Variants in CNTNAP2 observed in about 807,000 individuals in gnomAD.
CNTNAP2 encodes contactin associated protein 2.
In CNTNAP2, 98 loss-of-function variants were observed where a neutral mutation model predicts 155.2. The observed-to-expected ratio is 0.63, with a 90% CI of 0.54 to 0.75. CNTNAP2 has a LOEUF of 0.75. CNTNAP2 is among the 30% of genes least tolerant of loss of function. The pLI, the probability that CNTNAP2 is intolerant of heterozygous loss-of-function variation, is 0.00. For synonymous variants in CNTNAP2, 651 were observed against 631.2 expected, an observed-to-expected ratio of 1.03 and a Z score of -0.47; for missense variants, 1,727 against 1,688.1, an observed-to-expected ratio of 1.02 and a Z score of -0.40.
In CNTNAP2 at chr7:146,627,138, C is replaced by T. The variant is rs1799433574; in HGVS notation, c.98-147133C>T. ...GCAGCAGGCAAAGGGAGAGCTTGTACAGGGAAACTCCCATGTTTTAAACCA... is the reference window on the plus strand; with the variant it reads ...GCAGCAGGCAAAGGGAGAGCTTGTATAGGGAAACTCCCATGTTTTAAACCA... On this transcript the variant is annotated intron_variant, in intron 1 of 23. Transcript: ENST00000361727. Among the ~76,000 whole-genome samples the T allele has an allele frequency of 2.0e-5, 3 of 152,090 alleles. 1 individual carries two copies. In the South Asian group the frequency reaches 6.2e-4, roughly 32 times the overall value.
intron 1 of CNTNAP2, among the ~76,000 whole-genome samples, chr7:146,629,870 T>C (rs963404485): frequency 9.2e-5 from 14 of 152,134 alleles, no homozygotes; most frequent in African/African-American, 3.4e-4. Context: ...GATGAGTTCA[T>C]TAGGGAGAAA....
At chr7:148,225,798 A>C (rs1219780137) in intron 19 of CNTNAP2, among the ~76,000 whole-genome samples, 1 of 152,256 alleles carries the variant, frequency 6.6e-6, no homozygotes, top group Non-Finnish European at 1.5e-5. Flanking sequence ...AGCCAAGAAG[A>C]CTTGGTGTCA....
intron 11 of CNTNAP2, among the ~76,000 whole-genome samples, chr7:147,491,702 A>T (rs1050363998): frequency 2.6e-5 from 4 of 152,134 alleles, no homozygotes; most frequent in Non-Finnish European, 4.4e-5. Context: ...TTTTCTTTAA[A>T]TTTTATTCAA....
intron 13 of CNTNAP2, among the ~76,000 whole-genome samples, chr7:147,708,567 C>T (rs1240282810): frequency 1.3e-5 from 2 of 152,066 alleles, no homozygotes; most frequent in African/African-American, 2.4e-5. Context: ...GGTCTCCTTG[C>T]AGCTTCCTAT....
At chr7:147,480,696 A>G (rs1342299146) in intron 10 of CNTNAP2, among the ~76,000 whole-genome samples, 1 of 152,198 alleles carries the variant, frequency 6.6e-6, no homozygotes, top group Non-Finnish European at 1.5e-5. Context: ...CCCTGGCTGC[A>G]GGCTGTCTTC....
chr7:147,558,158 A>G (rs1246980879), intron 11 of CNTNAP2, among the ~76,000 whole-genome samples: 1 of 152,200 alleles, frequency 6.6e-6, no homozygotes. Flanking sequence ...CCACAATATT[A>G]CTGCTGAAAA....
chr7:147,182,221 T>G (rs2116502239), intron 8 of CNTNAP2, among the ~76,000 whole-genome samples: 1 of 151,990 alleles, frequency 6.6e-6, no homozygotes, highest in Non-Finnish European at 1.5e-5. Context: ...GCCTGTTAAC[T>G]CTAATTAACC....
At chr7:146,880,291 A>G (rs1297689679) in intron 3 of CNTNAP2, among the ~76,000 whole-genome samples, 1 of 152,092 alleles carries the variant, frequency 6.6e-6, no homozygotes, top group Non-Finnish European at 1.5e-5. Context: ...GAGCCCTTAT[A>G]GAAAGAAATT....
intron 1 of CNTNAP2, among the ~76,000 whole-genome samples, chr7:146,164,894 C>A (rs1798289268): frequency 6.6e-6 from 1 of 152,120 alleles, no homozygotes; most frequent in African/African-American, 2.4e-5. Flanking sequence ...GACCAGTCTT[C>A]AGGAAGTTAT....
intron 13 of CNTNAP2, among the ~76,000 whole-genome samples, chr7:147,692,559 TGCA>T (rs1157863311): frequency 6.6e-6 from 1 of 152,160 alleles, no homozygotes; most frequent in Non-Finnish European, 1.5e-5. Flanking sequence ...CTAATAGGTG[TGCA>T]GTAGTATCTA....
At chr7:148,297,845 T>A (rs1797312006) in intron 21 of CNTNAP2, among the ~76,000 whole-genome samples, 1 of 152,036 alleles carries the variant, frequency 6.6e-6, no homozygotes, top group Non-Finnish European at 1.5e-5. Flanking sequence ...CCCATGAAGG[T>A]CACGGAATGA....
intron 1 of CNTNAP2, among the ~76,000 whole-genome samples, chr7:146,288,318 A>T (rs961201796): frequency 2.1e-5 from 3 of 146,254 alleles, no homozygotes; most frequent in African/African-American, 8.1e-5. Flanking sequence ...AAAAAAAAAA[A>T]TTTGTGTTTT....
chr7:147,878,880 C>T (rs1217228621), intron 13 of CNTNAP2, among the ~76,000 whole-genome samples: 4 of 152,164 alleles, frequency 2.6e-5, no homozygotes, highest in Non-Finnish European at 5.9e-5. Flanking sequence ...TTCTCACCAG[C>T]TTTCTTCTGA....
At chr7:146,999,243 C>CA (rs3081713) in intron 3 of CNTNAP2, among the ~76,000 whole-genome samples, 15,332 of 131,376 alleles carry the variant, frequency 0.12, 940 homozygotes, top group Middle Eastern at 0.2. Context: ...AGTTTGATTG[C>CA]AAAAAAAAAA....
chr7:146,573,106 A>T (rs1157714895), intron 1 of CNTNAP2, among the ~76,000 whole-genome samples: 3 of 152,108 alleles, frequency 2.0e-5, no homozygotes, highest in African/African-American at 7.2e-5. Context: ...CTTTAGAAAA[A>T]GACACACAGA....
chr7:146,862,987 A>G (rs1477634873), intron 3 of CNTNAP2, among the ~76,000 whole-genome samples: 1 of 152,184 alleles, frequency 6.6e-6, no homozygotes, highest in Non-Finnish European at 1.5e-5. Flanking sequence ...TGGCAATTGT[A>G]TTGGATTTAT....
chr7:146,720,270 C>A (rs1374862605), intron 1 of CNTNAP2, among the ~76,000 whole-genome samples: 5 of 152,090 alleles, frequency 3.3e-5, no homozygotes, highest in Non-Finnish European at 7.4e-5. Context: ...CACAGTTTCT[C>A]CAGCCCCATT....
At chr7:147,472,557 G>T (rs1014779879) in intron 10 of CNTNAP2, among the ~76,000 whole-genome samples, 1 of 152,066 alleles carries the variant, frequency 6.6e-6, no homozygotes, top group African/African-American at 2.4e-5. Flanking sequence ...AGATCAGTCT[G>T]CCATTTTATT....
At chr7:148,204,674 A>G (rs1490911090) in intron 18 of CNTNAP2, among the ~76,000 whole-genome samples, 1 of 152,208 alleles carries the variant, frequency 6.6e-6, no homozygotes, top group Non-Finnish European at 1.5e-5. Context: ...GTGAGTAATA[A>G]TCAGTGGTTC....
Sources: allele counts gnomAD v4.1 joint callset (sites outside exome capture counted in the v4.1 genomes callset), GRCh38; gene constraint gnomAD v4.1.1; transcripts MANE v1.5; gene names NCBI Gene and HGNC (gene_info 2026-07-23, HGNC 2026-07-21).